The following ZNF331 variants were observed in gnomAD, a reference collection of about 807,000 sequenced individuals.
ZNF331 encodes the protein zinc finger protein 331.
Under a neutral mutation model 7.0 loss-of-function variants are expected in ZNF331, and 2 were observed. The ratio of observed to expected loss-of-function variants is 0.29; its 90% CI spans 0.12 to 0.90. The LOEUF is 0.90. Ranked by LOEUF, ZNF331 falls within the 40% of genes least tolerant of loss-of-function variation. The pLI is 0.58. For synonymous variants in ZNF331, 196 were observed against 205.4 expected (o/e 0.95, Z 0.39); for missense variants, 432 against 587.7 (o/e 0.74, Z 2.74).
intron 3 of ZNF331, among the ~76,000 whole-genome samples, chr19:53,564,984 A>T (rs1237604761): frequency 6.6e-6 from 1 of 152,212 alleles, no homozygotes; most frequent in African/African-American, 2.4e-5. Flanking sequence ...TTCATATACT[A>T]CTATAGCTAT....
intron 3 of ZNF331, among the ~76,000 whole-genome samples, chr19:53,557,732 G>A (rs759744543): frequency 3.6e-5 from 3 of 83,288 alleles, no homozygotes; most frequent in Non-Finnish European, 7.0e-5. Flanking sequence ...GGAGGCCGAG[G>A]CGGATAGATC....
intron 3 of ZNF331, among the ~76,000 whole-genome samples, chr19:53,566,780 G>A (rs1238903696): frequency 6.6e-6 from 1 of 152,024 alleles, no homozygotes; most frequent in East Asian, 1.9e-4. Context: ...CCAGTTCAGT[G>A]TGTTAACTGT....
chr19:53,550,699 G>C (rs1912637989), intron 2 of ZNF331, among the ~76,000 whole-genome samples: 1 of 151,190 alleles, frequency 6.6e-6, no homozygotes, highest in Admixed American at 6.6e-5. Flanking sequence ...ACCACGCCAG[G>C]CTAATTTTTG....
At position 53,571,044 on chromosome 19, in the gene ZNF331, A is replaced by G. The variant is rs2090422439; in HGVS notation, c.10-560A>G. Among the ~76,000 whole-genome samples the G allele has an allele frequency of 6.6e-6, 1 of 151,554 alleles. No homozygotes were observed. Among genetic ancestry groups the G allele is most frequent in the Non-Finnish European group, 1.5e-5 (1 of 67,938 alleles). ...CGGCTAATTTTTTTGTATTTTTAGTAGAGATGGGGTTTCACCATGTTTGCC... is the reference window on the plus strand; with the variant it reads ...CGGCTAATTTTTTTGTATTTTTAGTGGAGATGGGGTTTCACCATGTTTGCC... On this transcript the variant is annotated intron_variant, in intron 4 of 5. Coordinates refer to ENST00000449416, the MANE Select transcript of ZNF331 (RefSeq NM_001079906.2). This position sits in a 1 kb window ranked among gnomAD's most constrained non-coding sequence, Gnocchi z 4.7.
chr19:53,564,074 C>CTTTTTTTTT (rs1205257105), intron 3 of ZNF331, among the ~76,000 whole-genome samples: 1 of 94,676 alleles, frequency 1.1e-5, no homozygotes, highest in Non-Finnish European at 1.9e-5. Context: ...AGCCTGCATT[C>CTTTTTTTTT]TTTTTTTTTT....
At chr19:53,517,322 G>A (rs543882548), upstream of ZNF331, among the ~76,000 whole-genome samples, 3 of 152,142 alleles carry the variant, frequency 2.0e-5, no homozygotes, top group South Asian at 4.1e-4. Flanking sequence ...GGGACAAGAT[G>A]TTTTGCTTAG....
In ZNF331 at chr19:53,576,751, A is replaced by G. The variant is rs1427399622; in HGVS notation, c.191A>G (p.Glu64Gly). ...TTACCTACAGAAAAAAACATTCATG[A>G]AATAAGGGCTTCCAAAAGGAATTCA... ...KSLPTEKNIH[E>G]IRASKRNSDR... The change falls in exon 6 of 6, where the codon GAA (glutamate) becomes GGA (glycine). Residue 64 changes from glutamate (E) to glycine (G), a missense_variant. Around this residue, in one of 3 missense-constraint regions of ZNF331, gnomAD observed 81 missense variants for 70.3 expected, o/e 1.15. Transcript: ENST00000449416. 1.2e-6 allele frequency: 2 copies of G among 1,613,520 alleles called. No individual in the cohort carries two copies. The highest frequency in any genetic ancestry group is 2.2e-5 in the South Asian group (2 of 90,944).
At chr19:53,506,444 G>GTCTCTCTCTCTCTC in the ZNF331 span, among the ~76,000 whole-genome samples, 4 of 86,252 alleles carry the variant, frequency 4.6e-5, no homozygotes, top group African/African-American at 1.5e-4. Context: ...CTCTCTCTCT[G>GTCTCTCTCTCTCTC]TCTCTCTCTC....
the ZNF331 span, among the ~76,000 whole-genome samples, chr19:53,511,787 A>G: frequency 6.6e-6 from 1 of 152,160 alleles, no homozygotes; most frequent in Non-Finnish European, 1.5e-5. Context: ...ACACATATGG[A>G]TGATTACACC....
chr19:53,506,458 C>G, the ZNF331 span, among the ~76,000 whole-genome samples: 784 of 125,704 alleles, frequency 6.2e-3, 13 homozygotes, highest in South Asian at 0.017. Context: ...CTCTCTCTCT[C>G]TCTCTCTCTC....
chr19:53,571,857 C>A lies in ZNF331; in HGVS notation c.136+127C>A. On this transcript the variant is annotated intron_variant, in intron 5 of 5. Coordinates refer to ENST00000449416, the MANE Select transcript of ZNF331 (RefSeq NM_001079906.2). This position sits in a 1 kb window ranked among gnomAD's most constrained non-coding sequence, Gnocchi z 4.7. ...TCCTGTCCCCAAGGAATGTATTGAG[C>A]CTTATTGATGTGGCCGTGAGCACCA... The A allele has an allele frequency of 2.3e-6, 3 of 1,306,606 alleles. No individual in the cohort carries two copies. Among genetic ancestry groups the A allele is most frequent in the Non-Finnish European group, 3.1e-6 (3 of 967,072 alleles). 80.9% of individuals were successfully genotyped at this position (1,306,606 alleles called of 1,614,324 possible). A position where few individuals can be genotyped will look rare whatever the true frequency, so the allele number is the denominator to read the frequency against.
the ZNF331 span, among the ~76,000 whole-genome samples, chr19:53,507,549 A>T: frequency 6.6e-6 from 1 of 152,184 alleles, no homozygotes; most frequent in Non-Finnish European, 1.5e-5. Context: ...CTATGGCATT[A>T]TGGGGTCCCA....
rs573241886 is a variant in ZNF331, at chr19:53,526,742, C to T, written c.-205+4058C>T. On this transcript the variant is annotated intron_variant, in intron 2 of 6. Coordinates refer to the ZNF331 transcript ENST00000253144. Reference sequence around the variant, plus strand: ...TAGTTGTTTGTATTATTAGTAGAGACGGGGTTTCACCATATTAGCCAGGAT... The same window carrying T: ...TAGTTGTTTGTATTATTAGTAGAGATGGGGTTTCACCATATTAGCCAGGAT... Among the ~76,000 whole-genome samples the T allele has an allele frequency of 1.3e-3, 194 of 151,532 alleles. 2 individuals are homozygous for T. The highest frequency in any genetic ancestry group is 6.9e-3 in the Middle Eastern group (2 of 290).
chr19:53,525,372 C>T (rs536054325), intron 2 of ZNF331, among the ~76,000 whole-genome samples: 9 of 152,288 alleles, frequency 5.9e-5, no homozygotes, highest in African/African-American at 9.6e-5. Flanking sequence ...GCCATTTTCA[C>T]GATATTGATT....
intron 2 of ZNF331, among the ~76,000 whole-genome samples, chr19:53,530,839 G>T (rs888683019): frequency 6.6e-6 from 1 of 152,222 alleles, no homozygotes; most frequent in Non-Finnish European, 1.5e-5. Flanking sequence ...GGGTTGATGT[G>T]CCAGCTCTGT....
chr19:53,571,117 G>C lies in ZNF331; in HGVS notation c.10-487G>C, dbSNP rs73051573. The stretch of plus-strand genomic sequence containing the variant: ...CTCGTGATCCGCCTGCCTTGTTCTC[G>C]TGATCCGCCTGCCTTGGCCTCCCAA... On this transcript the variant is annotated intron_variant, in intron 4 of 5. Transcript: ENST00000449416. The surrounding 1 kb of genome is among the most constrained non-coding windows in gnomAD (Gnocchi z 4.7). Among the ~76,000 whole-genome samples, 1 of 151,936 alleles carries C rather than the reference G, an allele frequency of 6.6e-6. No homozygotes were observed. Among genetic ancestry groups the C allele is most frequent in the Admixed American group, 6.6e-5 (1 of 15,248 alleles).
intron 1 of ZNF331, chr19:53,538,677 T>G (rs2147304029): frequency 6.5e-6 from 1 of 153,530 alleles, no homozygotes; most frequent in East Asian, 1.9e-4. Context: ...TGCAGACTTG[T>G]GCTGGGATGG....
At chr19:53,557,682 G>T (rs1345104681) in intron 3 of ZNF331, among the ~76,000 whole-genome samples, 1 of 152,164 alleles carries the variant, frequency 6.6e-6, no homozygotes, top group Non-Finnish European at 1.5e-5. Flanking sequence ...TTGTGACTTG[G>T]CCGGGTGCGG....
At chr19:53,546,230 A>G (rs569853434) in intron 2 of ZNF331, among the ~76,000 whole-genome samples, 13 of 151,402 alleles carry the variant, frequency 8.6e-5, no homozygotes, top group African/African-American at 2.9e-4. Context: ...TTGCTTTTGC[A>G]CTGACCTAAT....
Sources: allele counts gnomAD v4.1 joint callset (sites outside exome capture counted in the v4.1 genomes callset), GRCh38; gene constraint gnomAD v4.1.1; regional missense constraint gnomAD v4.1.1; non-coding constraint Gnocchi (gnomAD v3.1); transcripts MANE v1.5; gene names NCBI Gene and HGNC (gene_info 2026-07-23, HGNC 2026-07-21).